Variants in GAS7 observed in about 807,000 individuals in gnomAD.
GAS7 encodes growth arrest specific 7, also known as growth arrest-specific protein 7.
A neutral mutation model predicts 71.1 loss-of-function variants in GAS7; 28 were observed. The observed-to-expected ratio is 0.39, with a 90% confidence interval of 0.29 to 0.54. GAS7 has a LOEUF of 0.54. Among genes scored for constraint, GAS7 ranks in the 20% least tolerant of loss-of-function variants. The probability of loss-of-function intolerance (pLI) is 0.62; values close to 1 mark genes in which losing one functional copy is unlikely to be tolerated. For synonymous variants in GAS7, 258 were observed against 245.8 expected (o/e 1.05, Z -0.46); for missense variants, 436 against 627.8 (o/e 0.69, Z 3.27).
Position 10,026,561 on chromosome 17 carries a change from G to T in GAS7, c.184-6664C>A, listed in dbSNP as rs1035507777. Among the ~76,000 whole-genome samples, 3 of 152,196 alleles carry T rather than the reference G, an allele frequency of 2.0e-5. No individual in the cohort carries two copies. Among genetic ancestry groups the T allele is most frequent in the Admixed American group, 2.0e-4 (3 of 15,284 alleles). ...GGCATGGCTGGGCACGCCTGGGAAG[G>T]TTGAGTCCCGGAGTAGTCCTGGACT... On this transcript the variant is annotated intron_variant, in intron 1 of 13. Coordinates refer to ENST00000432992, the MANE Select transcript of GAS7 (RefSeq NM_201433.2). This position sits in a 1 kb window ranked among gnomAD's most constrained non-coding sequence, Gnocchi z 4.5.
intron 11 of GAS7, among the ~76,000 whole-genome samples, chr17:9,920,507 A>C (rs1464683983): frequency 2.6e-5 from 4 of 152,248 alleles, no homozygotes; most frequent in Admixed American, 2.6e-4. Context: ...AACATTACTA[A>C]GCGTACCAGC....
intron 1 of GAS7, among the ~76,000 whole-genome samples, chr17:10,157,535 G>T (rs766491179): frequency 1.3e-5 from 2 of 152,212 alleles, no homozygotes; most frequent in African/African-American, 4.8e-5. Flanking sequence ...AGAAGATAAG[G>T]CTTTGAGCAT....
At chr17:10,021,244 A>C (rs970752333) in intron 1 of GAS7, among the ~76,000 whole-genome samples, 2 of 152,212 alleles carry the variant, frequency 1.3e-5, no homozygotes, top group African/African-American at 4.8e-5. Flanking sequence ...AAATGTCCTC[A>C]GTATCCCCCA....
rs58514810 is a variant in GAS7 at position 10,158,336 on chromosome 17, TAA to T, written c.183+39870_183+39871del. 0.032 allele frequency among the ~76,000 whole-genome samples: 2,699 copies of T among 83,242 alleles called. 144 individuals carry two copies. The East Asian group carries it at 0.36, about 11-fold the overall frequency. The allele number at this position is 83,242 out of a possible 152,430, so 54.6% of individuals were successfully genotyped here. ...CCAATCCTGTTTTTTCTTTTTTTGG[TAA>T]AAAAAAAAAAAAAAAAAAAAAACAA... On this transcript the variant is annotated intron_variant, in intron 1 of 13. Coordinates refer to ENST00000432992, the MANE Select transcript of GAS7 (RefSeq NM_201433.2).
At chr17:10,028,979 A>C (rs927654207) in intron 1 of GAS7, among the ~76,000 whole-genome samples, 1 of 152,228 alleles carries the variant, frequency 6.6e-6, no homozygotes, top group Non-Finnish European at 1.5e-5. Context: ...AAGAAAGAAT[A>C]AACAAAGGTT....
At chr17:10,090,640 G>A (rs1282270045) in intron 1 of GAS7, among the ~76,000 whole-genome samples, 1 of 152,166 alleles carries the variant, frequency 6.6e-6, no homozygotes, top group African/African-American at 2.4e-5. Flanking sequence ...AATTCAGGTT[G>A]TGGTGTTGCA....
At chr17:10,191,531 G>C (rs898742351) in intron 1 of GAS7, among the ~76,000 whole-genome samples, 3 of 148,114 alleles carry the variant, frequency 2.0e-5, no homozygotes, top group African/African-American at 7.5e-5. Context: ...ACTCCAGCCT[G>C]GGCAACAGAG....
intron 9 of GAS7, among the ~76,000 whole-genome samples, chr17:9,928,152 G>A (rs994618360): frequency 4.0e-5 from 6 of 150,492 alleles, no homozygotes; most frequent in South Asian, 2.1e-4. Context: ...TCGCTCTGTC[G>A]CCCAGGCTGG....
At chr17:10,129,904 T>C (rs1462670663) in intron 1 of GAS7, among the ~76,000 whole-genome samples, 1 of 152,200 alleles carries the variant, frequency 6.6e-6, no homozygotes, top group Non-Finnish European at 1.5e-5. Context: ...CAGGGCATGG[T>C]GGCTCACGCC....
At chr17:9,941,324 G>A (rs1000992178) in intron 7 of GAS7, among the ~76,000 whole-genome samples, 1 of 152,168 alleles carries the variant, frequency 6.6e-6, no homozygotes, top group Non-Finnish European at 1.5e-5. Context: ...TATCTAGAAA[G>A]TAGATCTATC....
At chr17:10,070,341 CTT>C (rs71365713) in intron 1 of GAS7, among the ~76,000 whole-genome samples, 178 of 106,124 alleles carry the variant, frequency 1.7e-3, no homozygotes, top group African/African-American at 5.5e-3. Flanking sequence ...TCTCTCTCTT[CTT>C]TTTTTTTTTT....
intron 1 of GAS7, among the ~76,000 whole-genome samples, chr17:10,044,320 C>T (rs969715267): frequency 1.3e-5 from 2 of 152,190 alleles, no homozygotes; most frequent in Non-Finnish European, 2.9e-5. Context: ...CATGACAAGC[C>T]GATGCTCTCA....
chr17:10,087,635 G>A (rs986759156), intron 1 of GAS7, among the ~76,000 whole-genome samples: 2 of 152,160 alleles, frequency 1.3e-5, no homozygotes, highest in Non-Finnish European at 2.9e-5. Context: ...AGGGTTCCCC[G>A]AACACAGCCA....
chr17:9,951,786 A>AG (rs2069027834), intron 5 of GAS7, among the ~76,000 whole-genome samples: 1 of 138,226 alleles, frequency 7.2e-6, no homozygotes, highest in East Asian at 2.2e-4. Context: ...AAAAAAAAAA[A>AG]CAAGAAGAAA....
intron 9 of GAS7, 74 bp downstream of exon 9, chr17:9,934,092 A>C: frequency 1.0e-6 from 1 of 985,708 alleles, no homozygotes; most frequent in Non-Finnish European, 1.6e-6. Flanking sequence ...GGCAAACTGG[A>C]GAGACAGTTG....
At chr17:10,013,259 T>C (rs1021496379) in intron 2 of GAS7, among the ~76,000 whole-genome samples, 3 of 152,222 alleles carry the variant, frequency 2.0e-5, no homozygotes, top group Non-Finnish European at 4.4e-5. Flanking sequence ...CCCATCCTCC[T>C]GAACTGTGAT....
At chr17:10,095,939 T>A (rs111858255) in intron 1 of GAS7, among the ~76,000 whole-genome samples, 2,174 of 152,190 alleles carry the variant, frequency 0.014, 44 homozygotes, top group African/African-American at 0.05. Context: ...AAGTCACTGA[T>A]CCACCTTCCT....
At chr17:10,142,431 C>T (rs1310255590) in intron 1 of GAS7, among the ~76,000 whole-genome samples, 2 of 152,082 alleles carry the variant, frequency 1.3e-5, no homozygotes, top group South Asian at 2.1e-4. Context: ...TGCAGTGGCA[C>T]GATCTTGGCT....
At chr17:9,995,340 A>G (rs1026798480) in intron 2 of GAS7, among the ~76,000 whole-genome samples, 2 of 152,210 alleles carry the variant, frequency 1.3e-5, no homozygotes, top group Non-Finnish European at 2.9e-5. Context: ...CTGATTTTTA[A>G]AGATACATGT....
Sources: allele counts gnomAD v4.1 joint callset (sites outside exome capture counted in the v4.1 genomes callset), GRCh38; gene constraint gnomAD v4.1.1; non-coding constraint Gnocchi (gnomAD v3.1); transcripts MANE v1.5; gene names NCBI Gene and HGNC (gene_info 2026-07-23, HGNC 2026-07-21).